The following ERC2 variants were observed in gnomAD, a reference collection of about 807,000 sequenced individuals.
ERC2 encodes the protein ELKS/RAB6-interacting/CAST family member 2, also known as ERC protein 2.
In ERC2, 42 loss-of-function variants were observed where a neutral mutation model predicts 114.8. That is an observed-to-expected ratio of 0.37 (90% CI 0.29 to 0.47). The LOEUF (loss-of-function observed/expected upper bound fraction) is 0.47, where lower values mean the gene tolerates loss of function less well. Among genes scored for constraint, ERC2 ranks in the 20% least tolerant of loss-of-function variants. ERC2 has a pLI of 0.99. For synonymous variants in ERC2, 454 were observed against 425.5 expected (o/e 1.07, Z -0.82); for missense variants, 939 against 1,150.7 (o/e 0.82, Z 2.66).
chr3:55,875,215 A>C (rs2062771115), intron 14 of ERC2, among the ~76,000 whole-genome samples: 1 of 152,270 alleles, frequency 6.6e-6, no homozygotes, highest in Non-Finnish European at 1.5e-5. Context: ...AAACTTCCAG[A>C]GGCAGAGCCA....
chr3:56,089,809 C>T (rs115775056), intron 6 of ERC2, among the ~76,000 whole-genome samples: 5 of 152,146 alleles, frequency 3.3e-5, no homozygotes, highest in African/African-American at 4.8e-5. Flanking sequence ...AGCAAACAGA[C>T]GGTTGGCTGA....
At position 55,940,237 on chromosome 3, in the gene ERC2, G is replaced by A. The variant is rs61464295; in HGVS notation, c.2403+10188C>T. ...CCTTCAATTAGTCCCCAGACCCCAG[G>A]ATTTCAGAGTTGAAAGGGCCTTACT... On this transcript the variant is annotated intron_variant, in intron 13 of 17. Coordinates refer to ENST00000288221, the MANE Select transcript of ERC2 (RefSeq NM_015576.3). Among the ~76,000 whole-genome samples the A allele has an allele frequency of 7.1e-3, 1,075 of 152,010 alleles. 6 individuals are homozygous for A. The highest frequency in any genetic ancestry group is 0.031 in the Middle Eastern group (9 of 294).
intron 5 of ERC2, among the ~76,000 whole-genome samples, chr3:56,147,415 A>G (rs1575588519): frequency 1.3e-5 from 2 of 152,354 alleles, no homozygotes; most frequent in South Asian, 4.1e-4. Context: ...AGAGATGGAA[A>G]GTTGACAGAA....
chr3:56,045,025 A>T (rs2075387469), intron 7 of ERC2, among the ~76,000 whole-genome samples: 1 of 152,214 alleles, frequency 6.6e-6, no homozygotes, highest in African/African-American at 2.4e-5. Context: ...CACCAAAGCA[A>T]TAGTTCTAGT....
intron 14 of ERC2, among the ~76,000 whole-genome samples, chr3:55,874,621 C>T (rs572281413): frequency 3.9e-5 from 6 of 152,172 alleles, no homozygotes; most frequent in Admixed American, 6.5e-5. Context: ...TATCTGACCG[C>T]GGCACCATGG....
intron 14 of ERC2, among the ~76,000 whole-genome samples, chr3:55,822,620 A>G (rs2060173072): frequency 7.2e-6 from 1 of 139,112 alleles, no homozygotes; most frequent in South Asian, 2.2e-4. Flanking sequence ...GCTGGAGTGC[A>G]GTGGCGCAAT....
intron 14 of ERC2, among the ~76,000 whole-genome samples, chr3:55,824,435 C>T (rs139893640): frequency 4.8e-4 from 73 of 152,200 alleles, no homozygotes; most frequent in Non-Finnish European, 9.0e-4. Flanking sequence ...AAATAAACTC[C>T]CATATGAGTA....
chr3:55,950,849 A>T (rs1353348045), intron 12 of ERC2, among the ~76,000 whole-genome samples: 3 of 152,176 alleles, frequency 2.0e-5, no homozygotes, highest in African/African-American at 7.2e-5. Flanking sequence ...AGGAAACACA[A>T]CTTAGGTTTC....
chr3:56,419,887 C>T (rs572297576), intron 2 of ERC2, among the ~76,000 whole-genome samples: 76 of 152,160 alleles, frequency 5.0e-4, no homozygotes, highest in African/African-American at 1.7e-3. Context: ...GTAAAAACCC[C>T]GAAGAGAAAT....
intron 17 of ERC2, among the ~76,000 whole-genome samples, chr3:55,557,795 G>C (rs1360906516): frequency 6.6e-6 from 1 of 152,196 alleles, no homozygotes; most frequent in Non-Finnish European, 1.5e-5. Flanking sequence ...TGCACATGCT[G>C]TTCTCTCTGT....
rs533013861 is a variant in ERC2 at position 56,428,789 on chromosome 3, C to T, written c.657+5562G>A. On this transcript the variant is annotated intron_variant, in intron 2 of 17. Transcript: ENST00000288221. ...CCAAAAATAGAAATGATCACATAAC[C>T]ATTGTTTAAAAGCTGTAACATTCCC... Among the ~76,000 whole-genome samples, 4 of 152,222 alleles carry T rather than the reference C, an allele frequency of 2.6e-5. No individual in the cohort carries two copies. In the South Asian group the frequency reaches 8.3e-4, roughly 32 times the overall value.
intron 14 of ERC2, among the ~76,000 whole-genome samples, chr3:55,773,852 A>G (rs1048397192): frequency 6.6e-6 from 1 of 152,242 alleles, no homozygotes; most frequent in Admixed American, 6.5e-5. Flanking sequence ...CTGAACACCC[A>G]GGATATACTG....
At chr3:56,093,505 G>A (rs1483988182) in intron 6 of ERC2, among the ~76,000 whole-genome samples, 2 of 152,108 alleles carry the variant, frequency 1.3e-5, no homozygotes, top group South Asian at 4.1e-4. Context: ...GAGGAAACTG[G>A]ATCTTCACAC....
At chr3:55,803,701 A>T (rs909222532) in intron 14 of ERC2, among the ~76,000 whole-genome samples, 15 of 152,174 alleles carry the variant, frequency 9.9e-5, no homozygotes, top group African/African-American at 3.4e-4. Context: ...ACAACTGTGA[A>T]CTGTAGTGGT....
At chr3:55,848,181 A>T (rs1406636699) in intron 14 of ERC2, among the ~76,000 whole-genome samples, 1 of 152,156 alleles carries the variant, frequency 6.6e-6, no homozygotes, top group East Asian at 1.9e-4. Context: ...ACTCCCTAGG[A>T]GCTCATATTT....
Position 55,673,313 on chromosome 3 carries a change from G to A in ERC2, c.*39+10481C>T, listed in dbSNP as rs527268185. 7.9e-5 allele frequency among the ~76,000 whole-genome samples: 12 copies of A among 152,306 alleles called. No individual in the cohort carries two copies. The South Asian group carries it at 8.3e-4, about 11-fold the overall frequency. On this transcript the variant is annotated intron_variant, in intron 17 of 17. Transcript: ENST00000288221. ...ACAAAGGGGAGCAGAGGCCGGGCAC[G>A]GTGGCTTACGCCTGTAATCCCAGCA...
In ERC2 at chr3:55,691,576, A is replaced by ATATATATATG. The variant is rs1553631548; in HGVS notation, c.2848-7718_2848-7717insCATATATATA. ...AAAAAAAAAAAAAAAAAAAAAAAATATATATATATATATATATATATATAT... is the reference window on the plus strand; with the variant it reads ...AAAAAAAAAAAAAAAAAAAAAAAATATATATATATGTATATATATATATATATATATATAT... On this transcript the variant is annotated intron_variant, in intron 16 of 17. Transcript: ENST00000288221. Among the ~76,000 whole-genome samples, 12 of 53,332 alleles carry ATATATATATG rather than the reference A, an allele frequency of 2.3e-4. 1 individual carries two copies. The East Asian group carries it at 5.3e-3, about 24-fold the overall frequency. The allele number at this position is 53,332 out of a possible 152,430, so 35.0% of individuals were successfully genotyped here. A position where few individuals can be genotyped will look rare whatever the true frequency, so the allele number is the denominator to read the frequency against.
chr3:56,400,755 T>C (rs2060489863), intron 2 of ERC2, among the ~76,000 whole-genome samples: 1 of 152,196 alleles, frequency 6.6e-6, no homozygotes, highest in South Asian at 2.1e-4. Context: ...TTTTACTATG[T>C]TCATTACTCT....
intron 13 of ERC2, among the ~76,000 whole-genome samples, chr3:55,904,839 C>T (rs1438456980): frequency 6.6e-6 from 1 of 152,210 alleles, no homozygotes; most frequent in Admixed American, 6.5e-5. Context: ...AAAAGCATGA[C>T]AGTTAATAAT....
Sources: allele counts gnomAD v4.1 joint callset (sites outside exome capture counted in the v4.1 genomes callset), GRCh38; gene constraint gnomAD v4.1.1; transcripts MANE v1.5; gene names NCBI Gene and HGNC (gene_info 2026-07-23, HGNC 2026-07-21).